RECQL5: variants seen among roughly 807,000 people sequenced by gnomAD.
RECQL5 encodes RecQ like helicase 5, also known as ATP-dependent DNA helicase Q5.
RECQL5 carries 88 observed loss-of-function variants against 103.4 expected under a neutral mutation model. That is an observed-to-expected ratio of 0.85 (90% CI 0.72 to 1.02). The LOEUF is 1.02. RECQL5 is among the 50% of genes least tolerant of loss of function. The pLI is 0.00. For synonymous variants in RECQL5, 552 were observed against 507.9 expected, an observed-to-expected ratio of 1.09 and a Z score of -1.17; for missense variants, 1,232 against 1,284.3, an observed-to-expected ratio of 0.96 and a Z score of 0.62.
At chr17:75,652,920 C>CTG (rs2059573406) in intron 7 of RECQL5, among the ~76,000 whole-genome samples, 1 of 152,258 alleles carries the variant, frequency 6.6e-6, no homozygotes, top group Admixed American at 6.5e-5. Flanking sequence ...GTTTTCTCAT[C>CTG]TCCACTCCTG....
At chr17:75,637,508 C>T (rs1416393081) in intron 8 of RECQL5, 1 of 152,284 alleles carries the variant, frequency 6.6e-6, no homozygotes, top group Non-Finnish European at 1.5e-5. Context: ...CAAGAGGGGA[C>T]CACTGTCCTT....
At chr17:75,661,443 T>C (rs1474504287) in intron 5 of RECQL5, among the ~76,000 whole-genome samples, 163 bp downstream of exon 5, 2 of 152,224 alleles carry the variant, frequency 1.3e-5, no homozygotes, top group African/African-American at 4.8e-5. Context: ...ACCTCATTCA[T>C]GTCTAGACTC....
chr17:75,640,047 G>C lies in RECQL5; in HGVS notation c.1230-8379C>G. ...AGGTGGAAGTCACCAGGGGTGCAAT[G>C]TGTGAGACCTGACAAACTTGTTCTG... On this transcript the variant is annotated intron_variant, in intron 8 of 19. Transcript: ENST00000317905. This position sits in a 1 kb window ranked among gnomAD's most constrained non-coding sequence, Gnocchi z 4.6. The C allele has an allele frequency of 9.1e-7, 1 of 1,100,388 alleles. No homozygotes were observed. The highest frequency in any genetic ancestry group is 1.3e-6 in the Non-Finnish European group (1 of 798,478). 68.2% of individuals were successfully genotyped at this position (1,100,388 alleles called of 1,614,324 possible).
rs1203795688 is a variant in RECQL5, at chr17:75,630,830, G to A, written c.1593C>T (p.Asn531=). The A allele has an allele frequency of 8.3e-7, 1 of 1,198,686 alleles. No homozygotes were observed. The highest frequency in any genetic ancestry group is 2.6e-5 in the African/African-American group (1 of 37,908). The allele number at this position is 1,198,686 out of a possible 1,614,324, so 74.3% of individuals were successfully genotyped here. A position where few individuals can be genotyped will look rare whatever the true frequency, so the allele number is the denominator to read the frequency against. Residue 531 remains asparagine (N), a synonymous_variant, in exon 12 of 20, where the codon AAC becomes AAT. Coordinates refer to ENST00000317905, the MANE Select transcript of RECQL5 (RefSeq NM_004259.7). The part of the protein sequence containing the change: ...KIEEFVPPDE[N]CPLKEASSRR... The stretch of plus-strand genomic sequence containing the variant: ...TGCTAGAAGCCTCTTTCAGGGGACA[G>A]TTCTCATCTGTGGGGGGGGGGGGTG...
chr17:75,650,427 C>T (rs868337742), intron 8 of RECQL5: 19 of 1,326,352 alleles, frequency 1.4e-5, no homozygotes, highest in East Asian at 5.6e-5. Context: ...CAAATGAGGA[C>T]GCCACTGAAA....
Position 75,629,393 on chromosome 17 carries a change from C to G in RECQL5, c.2030G>C (p.Arg677Pro). The change falls in exon 16 of 20, where the codon CGG becomes CCG. Residue 677 changes from arginine (R) to proline (P), a missense_variant. Transcript: ENST00000317905. Reference protein sequence around the residue: ...QTATELMETTRIREQAPQPER... With the variant: ...QTATELMETTPIREQAPQPER... ...GGGCTGGGGGGCTTGCTCCCTGATC[C>G]GAGTTGTCTCCATCAGTTCCGTGGC... is the stretch of plus-strand genomic sequence containing the variant. 1 of 1,510,286 alleles carries G rather than the reference C, an allele frequency of 6.6e-7. No homozygotes were observed. The highest frequency in any genetic ancestry group is 1.8e-4 in the Middle Eastern group (1 of 5,572). 93.6% of individuals were successfully genotyped at this position (1,510,286 alleles called of 1,614,324 possible).
intron 12 of RECQL5, 33 bp downstream of exon 12, chr17:75,630,746 C>CG (rs754767268): frequency 6.9e-6 from 11 of 1,587,130 alleles, no homozygotes; most frequent in South Asian, 1.1e-5. Context: ...GGGAGGGCCC[C>CG]GGCGGGTGGC....
Position 75,629,456 on chromosome 17 carries a change from C to A in RECQL5, c.1967G>T (p.Gly656Val). Residue 656 changes from glycine (G) to valine (V), a missense_variant, in exon 16 of 20, where the codon GGA becomes GTA. Physicochemically the swap from Gly to Val is moderately radical, Grantham distance 109 (BLOSUM62 -3). Coordinates refer to ENST00000317905, the MANE Select transcript of RECQL5 (RefSeq NM_004259.7). ...GCAGGAGCCTTTGGGGAAACCAGCT[C>A]CCACCCGCTTGGGTTTGAGCTGTAA... ...HVYSLKPKRV[G>V]AGFPKGSCPF... 2 of 1,503,294 alleles carry A rather than the reference C, an allele frequency of 1.3e-6. No homozygotes were observed. Among genetic ancestry groups the A allele is most frequent in the East Asian group, 4.6e-5 (2 of 43,456 alleles). The allele number at this position is 1,503,294 out of a possible 1,614,324, so 93.1% of individuals were successfully genotyped here.
chr17:75,658,433 C>T lies in RECQL5; in HGVS notation c.1014G>A (p.Lys338=). 2.5e-6 allele frequency: 4 copies of T among 1,613,882 alleles called. No individual in the cohort carries two copies. Among genetic ancestry groups the T allele is most frequent in the African/African-American group, 1.3e-5 (1 of 75,046 alleles). The part of the protein sequence containing the change: ...VRFVAHWNIA[K]SMAGYYQESG... ...ACTCCTGGTAGTACCCAGCCATAGA[C>T]TTGGCAATATTCCAATGGGCGACAA... Residue 338 remains lysine, a synonymous_variant, in exon 7 of 20, where the codon AAG becomes AAA. Transcript: ENST00000317905.
chr17:75,658,510 G>A lies in RECQL5; in HGVS notation c.987-50C>T, dbSNP rs369308519. 12 of 1,572,836 alleles carry A rather than the reference G, an allele frequency of 7.6e-6. No individual in the cohort carries two copies. The African/African-American group carries it at 1.5e-4, about 19-fold the overall frequency. ...GCATGAGATGGTGGAGAAGCTGAGT[G>A]TCCTTTGGAGGAGTAATCATGACTA... is the stretch of plus-strand genomic sequence containing the variant. On this transcript the variant is annotated intron_variant, in intron 6 of 19. Coordinates refer to ENST00000317905, the MANE Select transcript of RECQL5 (RefSeq NM_004259.7).
intron 8 of RECQL5, among the ~76,000 whole-genome samples, chr17:75,644,259 C>T (rs1246173858): frequency 6.6e-6 from 1 of 152,056 alleles, no homozygotes; most frequent in East Asian, 1.9e-4. Context: ...GAGCTGAGAT[C>T]ACGCCACCGC....
At chr17:75,654,149 A>G (rs560769351) in intron 7 of RECQL5, among the ~76,000 whole-genome samples, 17 of 152,302 alleles carry the variant, frequency 1.1e-4, no homozygotes, top group Non-Finnish European at 2.2e-4. Flanking sequence ...TTGCATTTTT[A>G]TATTTCCTGT....
chr17:75,647,769 A>C, intron 8 of RECQL5: 1 of 577,882 alleles, frequency 1.7e-6, no homozygotes. Context: ...TCTGAGACCA[A>C]TTCTGGCTCC....
chr17:75,628,765 G>T lies in RECQL5; in HGVS notation c.2490-3C>A. 6.3e-7 allele frequency: 1 copy of T among 1,599,706 alleles called. No homozygotes were observed. ...CCTGGTCTCTGGGCGGGCAGGTGCT[G>T]GTAGAGGGAAGAGCAGGCATCACAG... On this transcript the variant is annotated splice_polypyrimidine_tract_variant and splice_region_variant and intron_variant, in intron 16 of 19. Transcript: ENST00000317905.
chr17:75,637,704 T>C (rs999415104), intron 8 of RECQL5: 3 of 152,304 alleles, frequency 2.0e-5, no homozygotes, highest in African/African-American at 7.2e-5. Context: ...CAGCTTCAGA[T>C]CCACAAATGT....
At chr17:75,655,518 G>C (rs148595464) in intron 7 of RECQL5, among the ~76,000 whole-genome samples, 4 of 151,428 alleles carry the variant, frequency 2.6e-5, no homozygotes, top group African/African-American at 7.3e-5. Context: ...CGCCCGCCAC[G>C]ACGCCCAGCT....
chr17:75,627,997 C>T (rs1464736242), intron 18 of RECQL5, among the ~76,000 whole-genome samples: 14 of 146,654 alleles, frequency 9.5e-5, no homozygotes, highest in East Asian at 2.0e-4. Context: ...CCAGCCTGGG[C>T]GACAGAGATA....
intron 8 of RECQL5, among the ~76,000 whole-genome samples, chr17:75,635,477 T>C (rs1355580699): frequency 6.6e-6 from 1 of 152,228 alleles, no homozygotes; most frequent in Non-Finnish European, 1.5e-5. Context: ...CTACTGTTTC[T>C]AACACCAGCA....
chr17:75,646,290 C>G (rs2059487983), intron 8 of RECQL5: 1 of 152,402 alleles, frequency 6.6e-6, no homozygotes, highest in Non-Finnish European at 1.5e-5. Context: ...TACGCCAGTC[C>G]CAGCCCCAGG....
Sources: gnomAD v4.1 joint callset for allele counts (sites outside exome capture counted in the v4.1 genomes callset) on GRCh38, gnomAD v4.1.1 for gene constraint, Gnocchi (gnomAD v3.1) non-coding constraint, MANE v1.5 for transcripts, NCBI Gene and HGNC (gene_info 2026-07-23, HGNC 2026-07-21) for gene names.